The following CSMD3 variants were observed in gnomAD, a reference collection of about 807,000 sequenced individuals.
CSMD3 encodes CUB and sushi domain-containing protein 3.
In CSMD3, 177 loss-of-function variants were observed where a neutral mutation model predicts 435.2. The observed-to-expected ratio is 0.41, with a 90% CI of 0.36 to 0.46. The LOEUF is 0.46. Among genes scored for constraint, CSMD3 ranks in the 20% least tolerant of loss-of-function variants. The pLI, the probability that CSMD3 is intolerant of heterozygous loss-of-function variation, is 0.34. For missense variants in CSMD3, 4,265 were observed against 4,504.6 expected (o/e 0.95, Z 1.52); for synonymous variants, 1,656 against 1,520.5 (o/e 1.09, Z -2.07).
intron 3 of CSMD3, among the ~76,000 whole-genome samples, chr8:113,249,806 A>C (rs1158546511): frequency 6.6e-6 from 1 of 152,000 alleles, no homozygotes; most frequent in Non-Finnish European, 1.5e-5. Context: ...TTTCCTGAAA[A>C]AGAAGAAGTA....
At chr8:112,543,794 T>C (rs979393309) in intron 27 of CSMD3, among the ~76,000 whole-genome samples, 1 of 152,132 alleles carries the variant, frequency 6.6e-6, no homozygotes, top group African/African-American at 2.4e-5. Flanking sequence ...TTCATTGCAG[T>C]ATTATTCACT....
At chr8:113,225,570 T>C (rs972024590) in intron 3 of CSMD3, among the ~76,000 whole-genome samples, 5 of 151,402 alleles carry the variant, frequency 3.3e-5, no homozygotes, top group Non-Finnish European at 7.4e-5. Flanking sequence ...AGAAAAAAAA[T>C]TCTACTCTTC....
intron 13 of CSMD3, among the ~76,000 whole-genome samples, chr8:112,792,119 C>G (rs1438827696): frequency 6.6e-6 from 1 of 152,118 alleles, no homozygotes; most frequent in African/African-American, 2.4e-5. Flanking sequence ...ATATTCTTAT[C>G]CAGCCTGTGA....
intron 1 of CSMD3, among the ~76,000 whole-genome samples, chr8:113,408,855 G>C (rs906892150): frequency 2.6e-5 from 4 of 151,896 alleles, no homozygotes; most frequent in East Asian, 1.9e-4. Context: ...AGTAGAGATG[G>C]CATCTCGCCA....
At chr8:112,807,502 AGGT>A (rs2079119297) in intron 12 of CSMD3, among the ~76,000 whole-genome samples, 2 of 147,564 alleles carry the variant, frequency 1.4e-5, no homozygotes, top group African/African-American at 5.3e-5. Context: ...GTAGGTAGGT[AGGT>A]AGGTAGGTAG....
intron 54 of CSMD3, among the ~76,000 whole-genome samples, chr8:112,295,352 A>T (rs1465101379): frequency 6.6e-6 from 1 of 152,128 alleles, no homozygotes; most frequent in Non-Finnish European, 1.5e-5. Context: ...ATGCCTAATG[A>T]TAATATATTC....
At chr8:113,376,700 A>T in intron 1 of CSMD3, 1 of 1,613,334 alleles carries the variant, frequency 6.2e-7, no homozygotes, top group African/African-American at 1.3e-5. Flanking sequence ...AAGGACCGAA[A>T]GGTTCGGCGC....
chr8:113,084,358 C>T (rs568268234), intron 5 of CSMD3, among the ~76,000 whole-genome samples: 21 of 151,362 alleles, frequency 1.4e-4, no homozygotes, highest in Admixed American at 3.3e-4. Context: ...TTGTAATAGG[C>T]GCAAAAAAAT....
At chr8:112,683,489 C>T (rs533910878) in intron 15 of CSMD3, among the ~76,000 whole-genome samples, 8 of 152,064 alleles carry the variant, frequency 5.3e-5, no homozygotes, top group African/African-American at 1.7e-4. Flanking sequence ...CCTTGTTTGT[C>T]TCACAGTTTA....
intron 4 of CSMD3, among the ~76,000 whole-genome samples, chr8:113,127,234 A>G (rs1316732653): frequency 6.6e-6 from 1 of 152,030 alleles, no homozygotes; most frequent in Non-Finnish European, 1.5e-5. Flanking sequence ...CACACACTAG[A>G]AATTGGAGTT....
At chr8:112,507,067 A>G (rs552549039) in intron 28 of CSMD3, among the ~76,000 whole-genome samples, 1 of 152,254 alleles carries the variant, frequency 6.6e-6, no homozygotes, top group African/African-American at 2.4e-5. Context: ...TAAGAGACCA[A>G]AAAGAATGCA....
At chr8:113,188,758 C>T (rs2092544465) in intron 3 of CSMD3, among the ~76,000 whole-genome samples, 1 of 151,830 alleles carries the variant, frequency 6.6e-6, no homozygotes, top group South Asian at 2.1e-4. Context: ...AACCTGCCTT[C>T]GAATCCTATC....
intron 35 of CSMD3, among the ~76,000 whole-genome samples, chr8:112,401,075 A>G (rs1159589929): frequency 1.3e-5 from 2 of 152,004 alleles, no homozygotes; most frequent in Admixed American, 1.3e-4. Flanking sequence ...CAGGCATGGT[A>G]GTGCATGCCT....
chr8:112,618,525 C>T (rs1833823438), intron 22 of CSMD3, among the ~76,000 whole-genome samples: 1 of 151,978 alleles, frequency 6.6e-6, no homozygotes, highest in Admixed American at 6.6e-5. Context: ...TTTCTAATTT[C>T]GCATTTTTAA....
At position 112,666,709 on chromosome 8, in the gene CSMD3, G is replaced by C. The variant is rs73340540; in HGVS notation, c.2678-294C>G. Among the ~76,000 whole-genome samples, 30 of 152,012 alleles carry C rather than the reference G, an allele frequency of 2.0e-4. 1 individual carries two copies. Among genetic ancestry groups the C allele is most frequent in the African/African-American group, 7.0e-4 (29 of 41,484 alleles). ...TTACATATATTCTTGTCTCTCCATC[G>C]TCATCTTTGTATTCAAAGCTTGAAA... On this transcript the variant is annotated intron_variant, in intron 16 of 70. Coordinates refer to ENST00000297405, the MANE Select transcript of CSMD3 (RefSeq NM_198123.2).
intron 27 of CSMD3, among the ~76,000 whole-genome samples, chr8:112,539,903 T>C (rs1438459110): frequency 2.6e-5 from 4 of 151,984 alleles, no homozygotes; most frequent in Non-Finnish European, 5.9e-5. Flanking sequence ...ACGAATGTGA[T>C]TATATCAAAC....
At chr8:112,372,756 G>A (rs1357491226) in intron 38 of CSMD3, among the ~76,000 whole-genome samples, 1 of 151,814 alleles carries the variant, frequency 6.6e-6, no homozygotes, top group Non-Finnish European at 1.5e-5. Context: ...GGCTGAGGCA[G>A]GAGAATTGCT....
chr8:112,370,079 A>T (rs915821038), intron 38 of CSMD3, among the ~76,000 whole-genome samples: 4 of 132,942 alleles, frequency 3.0e-5, no homozygotes, highest in African/African-American at 1.1e-4. Flanking sequence ...GAAGAAGAAG[A>T]AGAAGTAGTA....
At chr8:112,647,393 C>G (rs571687594) in intron 19 of CSMD3, among the ~76,000 whole-genome samples, 5 of 152,110 alleles carry the variant, frequency 3.3e-5, no homozygotes, top group African/African-American at 1.2e-4. Flanking sequence ...GCTCCGCCCC[C>G]CGGGTTCACG....
Sources: gnomAD v4.1 joint callset for allele counts (sites outside exome capture counted in the v4.1 genomes callset) on GRCh38, gnomAD v4.1.1 for gene constraint, MANE v1.5 for transcripts, NCBI Gene and HGNC (gene_info 2026-07-23, HGNC 2026-07-21) for gene names.